Variants in C1orf87 observed in about 807,000 individuals in gnomAD.
C1orf87 encodes uncharacterized protein C1orf87.
Under a neutral mutation model 60.5 loss-of-function variants are expected in C1orf87, and 58 were observed. That is an observed-to-expected ratio of 0.96 (90% CI 0.78 to 1.19). The LOEUF is 1.19. C1orf87 is among the 50% of genes most tolerant of loss of function. The probability of loss-of-function intolerance (pLI) is 0.00; values close to 1 mark genes in which losing one functional copy is unlikely to be tolerated. For missense variants in C1orf87, 673 were observed against 638.6 expected, an observed-to-expected ratio of 1.05 and a Z score of -0.58; for synonymous variants, 236 against 227.4, an observed-to-expected ratio of 1.04 and a Z score of -0.34.
intron 8 of C1orf87, among the ~76,000 whole-genome samples, chr1:60,020,622 T>C (rs960017368): frequency 2.0e-5 from 3 of 152,166 alleles, no homozygotes; most frequent in African/African-American, 7.2e-5. Flanking sequence ...TTCTTCCTTT[T>C]GGAATGGGAG....
chr1:60,044,969 G>T (rs751347777), intron 3 of C1orf87, among the ~76,000 whole-genome samples: 1 of 152,160 alleles, frequency 6.6e-6, no homozygotes, highest in East Asian at 1.9e-4. Context: ...TGACTCTTCT[G>T]GGGGTGTTGG....
intron 2 of C1orf87, among the ~76,000 whole-genome samples, chr1:60,068,893 A>C (rs1645566136): frequency 6.6e-6 from 1 of 152,206 alleles, no homozygotes. Flanking sequence ...ATTGCATAGT[A>C]ACATCTGGAT....
chr1:60,051,967 G>C (rs1252647499), intron 3 of C1orf87, among the ~76,000 whole-genome samples: 1 of 152,112 alleles, frequency 6.6e-6, no homozygotes, highest in Non-Finnish European at 1.5e-5. Flanking sequence ...AAGATCAAAG[G>C]CTCTGCCTTG....
intron 8 of C1orf87, among the ~76,000 whole-genome samples, chr1:60,014,545 AAC>A: frequency 6.6e-6 from 1 of 152,268 alleles, no homozygotes; most frequent in East Asian, 1.9e-4. Flanking sequence ...TATTAAAAAA[AAC>A]AAACAAACCT....
intron 3 of C1orf87, among the ~76,000 whole-genome samples, 179 bp downstream of exon 3, chr1:60,055,025 C>G (rs559224013): frequency 8.6e-5 from 13 of 152,044 alleles, no homozygotes; most frequent in African/African-American, 3.1e-4. Context: ...AGCAAAGATA[C>G]AATATACAAA....
intron 7 of C1orf87, among the ~76,000 whole-genome samples, chr1:60,027,440 C>T (rs571505869): frequency 2.6e-5 from 4 of 152,330 alleles, no homozygotes; most frequent in South Asian, 2.1e-4. Context: ...CAGAACCTGG[C>T]GCTTCCTCTG....
chr1:60,037,931 A>G (rs1645289396), intron 6 of C1orf87, 61 bp downstream of exon 6: 2 of 1,086,072 alleles, frequency 1.8e-6, no homozygotes, highest in Non-Finnish European at 2.7e-6. Flanking sequence ...ACTTTTTTAT[A>G]GCAGCCCACA....
In C1orf87 at chr1:60,040,149, T is replaced by C. The variant is rs1235930515; in HGVS notation, c.515A>G (p.Asn172Ser). Residue 172 changes from asparagine to serine, a missense_variant, in exon 5 of 12, where the codon AAT becomes AGT. Coordinates refer to ENST00000371201, the MANE Select transcript of C1orf87 (RefSeq NM_152377.3). Reference protein sequence around the residue: ...DIGQSPSGTTNEDAFLLALVR... With the variant: ...DIGQSPSGTTSEDAFLLALVR... ...CAGGGCAAGAAGAAAAGCGTCTTCA[T>C]TTGTTGTCCCACTTGGGCTCTGGCC... The C allele has an allele frequency of 3.7e-6, 6 of 1,613,860 alleles. No homozygotes were observed. Among genetic ancestry groups the C allele is most frequent in the Non-Finnish European group, 5.1e-6 (6 of 1,179,950 alleles).
intron 2 of C1orf87, among the ~76,000 whole-genome samples, chr1:60,057,822 G>A (rs1172478595): frequency 6.6e-6 from 1 of 152,188 alleles, no homozygotes; most frequent in Non-Finnish European, 1.5e-5. Flanking sequence ...TGGAAGAGGG[G>A]TGATCAGAAA....
intron 10 of C1orf87, among the ~76,000 whole-genome samples, chr1:59,998,857 G>T (rs976998570): frequency 1.1e-4 from 16 of 152,060 alleles, no homozygotes; most frequent in Admixed American, 8.5e-4. Flanking sequence ...AAGTCTTGAT[G>T]GTGTTAGAGT....
At chr1:59,995,229 C>A (rs1354475807) in intron 11 of C1orf87, among the ~76,000 whole-genome samples, 1 of 152,070 alleles carries the variant, frequency 6.6e-6, no homozygotes, top group African/African-American at 2.4e-5. Context: ...GTTTCTTTAG[C>A]AATGTCATTT....
chr1:60,037,640 C>T (rs781776158), intron 6 of C1orf87, among the ~76,000 whole-genome samples: 2 of 152,192 alleles, frequency 1.3e-5, no homozygotes, highest in African/African-American at 2.4e-5. Context: ...CCTATTAGGT[C>T]CCATCTCCCA....
chr1:60,023,671 T>C (rs763209866), intron 8 of C1orf87, among the ~76,000 whole-genome samples: 1 of 152,180 alleles, frequency 6.6e-6, no homozygotes, highest in Non-Finnish European at 1.5e-5. Context: ...TATTGATACA[T>C]TATGATTAAA....
intron 2 of C1orf87, among the ~76,000 whole-genome samples, chr1:60,061,793 AAAAAAAAAAT>A (rs1447208045): frequency 5.3e-5 from 8 of 150,256 alleles, no homozygotes; most frequent in South Asian, 2.1e-4. Context: ...AAAAAAAAAA[AAAAAAAAAAT>A]AGCTGGGCTT....
At chr1:60,044,314 GCCACCACGC>G (rs1234262840) in intron 3 of C1orf87, among the ~76,000 whole-genome samples, 1 of 152,236 alleles carries the variant, frequency 6.6e-6, no homozygotes, top group Non-Finnish European at 1.5e-5. Flanking sequence ...ACAGGCGTGA[GCCACCACGC>G]CCAGCCACAG....
chr1:60,069,513 T>G (rs1248493842), intron 2 of C1orf87, among the ~76,000 whole-genome samples: 1 of 152,198 alleles, frequency 6.6e-6, no homozygotes, highest in East Asian at 1.9e-4. Context: ...GGGAAACCTG[T>G]TTCACTCCTT....
chr1:59,991,030 CTGAGGGTG>C (rs1030598124), intron 11 of C1orf87, among the ~76,000 whole-genome samples, 197 bp from the exon 12 acceptor site: 7 of 152,114 alleles, frequency 4.6e-5, no homozygotes, highest in Non-Finnish European at 7.4e-5. Context: ...CAGGAAGAAT[CTGAGGGTG>C]ATTTCAGGGG....
chr1:60,064,647 T>A (rs1160158763), intron 2 of C1orf87, among the ~76,000 whole-genome samples: 5 of 102,474 alleles, frequency 4.9e-5, no homozygotes, highest in African/African-American at 1.9e-4. Flanking sequence ...TATGATATAT[T>A]TTATATATTA....
At chr1:60,066,270 T>C (rs674739) in intron 2 of C1orf87, among the ~76,000 whole-genome samples, 61,590 of 151,998 alleles carry the variant, frequency 0.41, 12,924 homozygotes, top group South Asian at 0.48. Context: ...TGTTTGATAG[T>C]ATTTTACCCA....
Sources: allele counts gnomAD v4.1 joint callset (sites outside exome capture counted in the v4.1 genomes callset), GRCh38; gene constraint gnomAD v4.1.1; transcripts MANE v1.5; gene names NCBI Gene and HGNC (gene_info 2026-07-23, HGNC 2026-07-21).